Variants in C12orf42 observed in about 807,000 individuals in gnomAD.
C12orf42 encodes chromosome 12 open reading frame 42, also known as uncharacterized protein C12orf42.
Under a neutral mutation model 21.6 loss-of-function variants are expected in C12orf42, and 25 were observed. That is an observed-to-expected ratio of 1.16 (90% CI 0.84 to 1.62). C12orf42 has a LOEUF of 1.62. Among genes scored for constraint, C12orf42 ranks in the 40% most tolerant of loss-of-function variants. The pLI, the probability that C12orf42 is intolerant of heterozygous loss-of-function variation, is 0.00. For synonymous variants in C12orf42, 174 were observed against 175.0 expected (o/e 0.99, Z 0.05); for missense variants, 483 against 459.3 (o/e 1.05, Z -0.47).
At chr12:103,078,722 C>G in the C12orf42 span, among the ~76,000 whole-genome samples, 1 of 152,160 alleles carries the variant, frequency 6.6e-6, no homozygotes, top group African/African-American at 2.4e-5. Flanking sequence ...ATTGTTTGCA[C>G]GGTCTATTTT....
At chr12:103,351,595 A>G (rs1237741665) in intron 4 of C12orf42, among the ~76,000 whole-genome samples, 1 of 152,052 alleles carries the variant, frequency 6.6e-6, no homozygotes, top group Non-Finnish European at 1.5e-5. Flanking sequence ...TACCTCACAC[A>G]TGTCTGAGGA....
rs750618387 is a variant in C12orf42 at position 103,345,111 on chromosome 12, A to G, written c.259+23776T>C. Among the ~76,000 whole-genome samples the G allele has an allele frequency of 1.3e-4, 20 of 152,176 alleles. 1 individual carries two copies. The highest frequency in any genetic ancestry group is 2.6e-4 in the Admixed American group (4 of 15,276). On this transcript the variant is annotated intron_variant, in intron 4 of 5. Coordinates refer to ENST00000548883, the MANE Select transcript of C12orf42 (RefSeq NM_198521.5). ...TGCCCCTTTTGGCTTCAAATACTAC[A>G]TCTACAAAATTGCAGTATTAATTAT...
the C12orf42 span, among the ~76,000 whole-genome samples, chr12:103,228,230 C>T: frequency 0.34 from 51,615 of 151,642 alleles, 9,308 homozygotes; most frequent in Middle Eastern, 0.4. Flanking sequence ...AAGGGTGGGG[C>T]CATTTTATAG....
the C12orf42 span, among the ~76,000 whole-genome samples, chr12:103,541,844 C>T: frequency 6.6e-6 from 1 of 151,904 alleles, no homozygotes; most frequent in Non-Finnish European, 1.5e-5. Flanking sequence ...AAGTTATTGA[C>T]TTTGAAACAA....
At chr12:103,197,203 G>A in the C12orf42 span, among the ~76,000 whole-genome samples, 2 of 152,208 alleles carry the variant, frequency 1.3e-5, no homozygotes, top group Non-Finnish European at 2.9e-5. Context: ...TAAAATTTTT[G>A]GTTGGAATTT....
chr12:103,544,178 C>G, the C12orf42 span, among the ~76,000 whole-genome samples: 3 of 152,074 alleles, frequency 2.0e-5, no homozygotes, highest in Non-Finnish European at 4.4e-5. Flanking sequence ...CCACCGTGCC[C>G]GGCCTAGAAT....
At chr12:103,103,174 C>T in the C12orf42 span, among the ~76,000 whole-genome samples, 1 of 152,172 alleles carries the variant, frequency 6.6e-6, no homozygotes, top group Non-Finnish European at 1.5e-5. Context: ...TCCATAGGTT[C>T]CTTCCAAGCT....
intron 4 of C12orf42, among the ~76,000 whole-genome samples, chr12:103,325,008 T>G (rs899099230): frequency 1.3e-5 from 2 of 152,182 alleles, no homozygotes; most frequent in African/African-American, 4.8e-5. Flanking sequence ...AAAATGTGCT[T>G]TCTGTAAAAG....
chr12:103,561,521 A>C, the C12orf42 span, among the ~76,000 whole-genome samples: 1 of 152,120 alleles, frequency 6.6e-6, no homozygotes, highest in Non-Finnish European at 1.5e-5. Context: ...TTTTCTTATA[A>C]GGGTGCAATC....
At chr12:103,118,772 T>TAA in the C12orf42 span, among the ~76,000 whole-genome samples, 998 of 41,636 alleles carry the variant, frequency 0.024, 73 homozygotes, top group Non-Finnish European at 0.028. Flanking sequence ...CACTCCAGCC[T>TAA]AAAAAAAAAA....
chr12:103,110,387 C>T, the C12orf42 span, among the ~76,000 whole-genome samples: 3 of 152,096 alleles, frequency 2.0e-5, no homozygotes, highest in South Asian at 2.1e-4. Flanking sequence ...ATGCAGTAAA[C>T]TTAAAAGTAT....
intron 2 of C12orf42, chr12:103,431,094 A>C (rs1476463849): frequency 2.1e-5 from 1 of 47,812 alleles, no homozygotes; most frequent in Non-Finnish European, 4.9e-5. Context: ...CACACAAAGT[A>C]TAATAAAAAA....
chr12:103,514,856 T>C, the C12orf42 span, among the ~76,000 whole-genome samples: 1 of 152,184 alleles, frequency 6.6e-6, no homozygotes, highest in African/African-American at 2.4e-5. Context: ...TTCAAGACGA[T>C]AGCACACAAA....
chr12:103,309,340 T>C (rs1273904332), intron 4 of C12orf42, among the ~76,000 whole-genome samples: 1 of 152,228 alleles, frequency 6.6e-6, no homozygotes. Flanking sequence ...CCACTTCCAC[T>C]TAATGAATAG....
chr12:103,335,459 T>C (rs2041610051), intron 4 of C12orf42, among the ~76,000 whole-genome samples: 1 of 152,206 alleles, frequency 6.6e-6, no homozygotes, highest in Non-Finnish European at 1.5e-5. Context: ...TTTTGTGTGG[T>C]CAGAAATAAA....
At chr12:103,313,984 G>A (rs1029070047) in intron 4 of C12orf42, among the ~76,000 whole-genome samples, 1 of 152,200 alleles carries the variant, frequency 6.6e-6, no homozygotes. Flanking sequence ...AAATAGTAGT[G>A]AGTGATATTA....
chr12:103,242,890 A>G (rs1270354856), intron 10 of C12orf42, among the ~76,000 whole-genome samples: 1 of 152,204 alleles, frequency 6.6e-6, no homozygotes, highest in African/African-American at 2.4e-5. Flanking sequence ...GTTTGCTAAT[A>G]AAAATTCCAC....
chr12:103,422,717 T>C (rs1372807946), intron 2 of C12orf42, among the ~76,000 whole-genome samples: 1 of 152,004 alleles, frequency 6.6e-6, no homozygotes. Flanking sequence ...CACTAGCAGG[T>C]GGGTATCTGG....
chr12:103,487,842 T>C (rs1435556944), intron 1 of C12orf42, among the ~76,000 whole-genome samples: 2 of 152,222 alleles, frequency 1.3e-5, no homozygotes, highest in South Asian at 2.1e-4. Flanking sequence ...TTTGAGCCTA[T>C]GTGTGTCTCT....
Sources: allele counts gnomAD v4.1 joint callset (sites outside exome capture counted in the v4.1 genomes callset), GRCh38; gene constraint gnomAD v4.1.1; transcripts MANE v1.5; gene names NCBI Gene and HGNC (gene_info 2026-07-23, HGNC 2026-07-21).